Variants in TENM1 observed in about 807,000 individuals in gnomAD.
The protein encoded by TENM1 is teneurin-1.
A neutral mutation model predicts 174.8 loss-of-function variants in TENM1; 35 were observed. The observed-to-expected ratio is 0.20, with a 90% CI of 0.15 to 0.27. The LOEUF is 0.27. TENM1 is among the 10% of genes least tolerant of loss of function. TENM1 has a pLI of 1.00. For synonymous variants in TENM1, 781 were observed against 798.7 expected, an observed-to-expected ratio of 0.98 and a Z score of 0.37; for missense variants, 1,633 against 2,130.1, an observed-to-expected ratio of 0.77 and a Z score of 4.59.
intron 3 of TENM1, among the ~76,000 whole-genome samples, chrX:124,847,051 G>A (rs141987475): frequency 0.026 from 2,905 of 111,571 alleles, 90 homozygotes; most frequent in African/African-American, 0.087. Flanking sequence ...GTCAGTGAGA[G>A]TTTTAAGAGA....
At chrX:124,529,982 G>A in exon 16 of TENM1, 3 of 1,208,582 alleles carry the variant, frequency 2.5e-6, no homozygotes, top group Non-Finnish European at 3.4e-6. Flanking sequence ...ACACAGGCAC[G>A]CCTGCAACAC....
At chrX:125,054,336 T>C in the TENM1 span, among the ~76,000 whole-genome samples, 6 of 110,357 alleles carry the variant, frequency 5.4e-5, no homozygotes, top group Middle Eastern at 4.2e-3. Flanking sequence ...ACGCTTTCTG[T>C]ACAGTCTGCA....
chrX:124,486,370 C>T (rs1880252618), intron 21 of TENM1, among the ~76,000 whole-genome samples: 1 of 112,146 alleles, frequency 8.9e-6, no homozygotes, highest in African/African-American at 3.2e-5. Flanking sequence ...ATAATTAATA[C>T]TGTGCAACAT....
chrX:124,484,387 G>A (rs1036488513), intron 21 of TENM1, among the ~76,000 whole-genome samples: 1 of 111,602 alleles, frequency 9.0e-6, no homozygotes, highest in Non-Finnish European at 1.9e-5. Context: ...GTAACTATGC[G>A]TAGCCAACAC....
At position 124,392,418 on chromosome X, in the gene TENM1, T is replaced by A. The variant is rs778322568; in HGVS notation, c.5392-70A>T. On this transcript the variant is annotated intron_variant, in intron 27 of 31. Coordinates refer to ENST00000422452, the Ensembl canonical transcript of TENM1. ...CCCCTCATTAGAGCACTGACAATCA[T>A]GAATCCTTTCCTGATTATCCAACGA... 83 of 866,805 alleles carry A rather than the reference T, an allele frequency of 9.6e-5. No homozygotes were observed. In the African/African-American group the frequency reaches 1.4e-3, roughly 15 times the overall value. 71.4% of individuals were successfully genotyped at this position (866,805 alleles called of 1,213,427 possible). A position where few individuals can be genotyped will look rare whatever the true frequency, so the allele number is the denominator to read the frequency against.
chrX:124,729,189 C>A (rs780066830), intron 4 of TENM1, among the ~76,000 whole-genome samples: 2 of 112,199 alleles, frequency 1.8e-5, no homozygotes, highest in Non-Finnish European at 3.8e-5. Context: ...GTTTTTACAG[C>A]AGATTAAAGC....
At chrX:124,890,777 TA>T (rs1384094621) in intron 3 of TENM1, among the ~76,000 whole-genome samples, 1 of 109,869 alleles carries the variant, frequency 9.1e-6, no homozygotes, top group African/African-American at 3.3e-5. Flanking sequence ...GGAGGTACCC[TA>T]AAAAAAACTA....
intron 15 of TENM1, among the ~76,000 whole-genome samples, chrX:124,543,031 G>A (rs2048354521): frequency 1.8e-5 from 2 of 112,213 alleles, no homozygotes; most frequent in Non-Finnish European, 3.8e-5. Context: ...TGCAGAAACT[G>A]TATAGACCAG....
chrX:125,178,791 GGACT>G, the TENM1 span, among the ~76,000 whole-genome samples: 1 of 110,958 alleles, frequency 9.0e-6, no homozygotes, highest in Admixed American at 9.7e-5. Context: ...AATCCTTATA[GGACT>G]GACAGGAAAT....
intron 8 of TENM1, among the ~76,000 whole-genome samples, chrX:124,648,609 A>C (rs2051219133): frequency 8.9e-6 from 1 of 112,184 alleles, no homozygotes; most frequent in Admixed American, 9.5e-5. Flanking sequence ...AGGCATAAAG[A>C]GACTTTTTAT....
chrX:124,432,628 G>A lies in TENM1; in HGVS notation c.4105-9990C>T, dbSNP rs752551995. 2.7e-5 allele frequency among the ~76,000 whole-genome samples: 3 copies of A among 111,797 alleles called. No homozygotes were observed. The South Asian group carries it at 1.1e-3, about 42-fold the overall frequency. ...TTTAGTAGAGATGGGGTTTCGCCATGTTGGCCAGACTGGTCTTGAACTCCT... is the reference window on the plus strand; with the variant it reads ...TTTAGTAGAGATGGGGTTTCGCCATATTGGCCAGACTGGTCTTGAACTCCT... On this transcript the variant is annotated intron_variant, in intron 23 of 31. Transcript: ENST00000422452.
the TENM1 span, among the ~76,000 whole-genome samples, chrX:125,021,700 A>G: frequency 8.9e-6 from 1 of 112,496 alleles, no homozygotes; most frequent in Non-Finnish European, 1.9e-5. Flanking sequence ...TGTGTAAATG[A>G]ACGAATGAAT....
At chrX:124,706,181 C>T (rs1054449305) in intron 4 of TENM1, among the ~76,000 whole-genome samples, 37 of 112,453 alleles carry the variant, frequency 3.3e-4, no homozygotes, top group African/African-American at 1.2e-3. Flanking sequence ...GGATTACAGG[C>T]GTGAGCCGCT....
At chrX:124,913,464 C>A (rs776288556) in intron 1 of TENM1, among the ~76,000 whole-genome samples, 6 of 111,782 alleles carry the variant, frequency 5.4e-5, no homozygotes, top group African/African-American at 1.9e-4. Context: ...TTGCCAGCAA[C>A]ATAATGACCA....
chrX:125,027,519 A>G, the TENM1 span, among the ~76,000 whole-genome samples: 1 of 112,329 alleles, frequency 8.9e-6, no homozygotes, highest in Non-Finnish European at 1.9e-5. Context: ...TGCCAAAGGC[A>G]TAAGAAACAA....
chrX:124,755,767 T>C (rs1005208537), intron 3 of TENM1, among the ~76,000 whole-genome samples: 2 of 108,836 alleles, frequency 1.8e-5, no homozygotes, highest in African/African-American at 6.9e-5. Context: ...TGGCTGGATA[T>C]GAAATTCTGG....
At chrX:125,139,646 C>T in the TENM1 span, among the ~76,000 whole-genome samples, 3 of 110,939 alleles carry the variant, frequency 2.7e-5, no homozygotes, top group African/African-American at 9.9e-5. Context: ...TGCTATATCA[C>T]AACATGATAC....
chrX:124,898,480 C>A (rs990883725), intron 1 of TENM1, among the ~76,000 whole-genome samples: 1 of 110,334 alleles, frequency 9.1e-6, no homozygotes, highest in African/African-American at 3.3e-5. Context: ...GGATTCAGGG[C>A]ACTAACTAGA....
At chrX:124,529,631 G>A (rs1252221800) in intron 16 of TENM1, among the ~76,000 whole-genome samples, 4 of 111,892 alleles carry the variant, frequency 3.6e-5, no homozygotes, top group African/African-American at 1.3e-4. Context: ...TTAGATAAAG[G>A]ATAGAAAACT....
Sources: gnomAD v4.1 joint callset for allele counts (sites outside exome capture counted in the v4.1 genomes callset) on GRCh38, gnomAD v4.1.1 for gene constraint, MANE v1.5 for transcripts, NCBI Gene and HGNC (gene_info 2026-07-23, HGNC 2026-07-21) for gene names.